The following ADAMTS2 variants were observed in gnomAD, a reference collection of about 807,000 sequenced individuals.
ADAMTS2 encodes the protein ADAM metallopeptidase with thrombospondin type 1 motif 2.
A neutral mutation model predicts 123.0 loss-of-function variants in ADAMTS2; 50 were observed. The observed-to-expected ratio is 0.41, with a 90% confidence interval of 0.32 to 0.51. ADAMTS2 has a LOEUF of 0.51. ADAMTS2 is among the 20% of genes least tolerant of loss of function. The probability of loss-of-function intolerance (pLI) is 0.35; values close to 1 mark genes in which losing one functional copy is unlikely to be tolerated. For missense variants in ADAMTS2, 1,494 were observed against 1,705.2 expected, an observed-to-expected ratio of 0.88 and a Z score of 2.18; for synonymous variants, 678 against 695.4, an observed-to-expected ratio of 0.98 and a Z score of 0.39.
chr5:179,276,991 C>T (rs1275337596), intron 2 of ADAMTS2, among the ~76,000 whole-genome samples: 1 of 152,108 alleles, frequency 6.6e-6, no homozygotes. Context: ...GGGTCAGGCT[C>T]CCCTCCCTGG....
In ADAMTS2 at chr5:179,308,654, A is replaced by G. The variant is rs886855905; in HGVS notation, c.534+35113T>C. On this transcript the variant is annotated intron_variant, in intron 2 of 21. Transcript: ENST00000251582. This position sits in a 1 kb window ranked among gnomAD's most constrained non-coding sequence, Gnocchi z 6.6. ...TGCCCATGTGTATGTGGATTGGGGG[A>G]AATTCCCAAGGCCTCTCAGAGAAGT... Among the ~76,000 whole-genome samples, 2 of 152,082 alleles carry G rather than the reference A, an allele frequency of 1.3e-5. No individual in the cohort carries two copies. The highest frequency in any genetic ancestry group is 2.9e-5 in the Non-Finnish European group (2 of 68,014).
At chr5:179,186,183 C>A (rs1025770804) in intron 4 of ADAMTS2, among the ~76,000 whole-genome samples, 1 of 152,242 alleles carries the variant, frequency 6.6e-6, no homozygotes, top group East Asian at 1.9e-4. Context: ...CTCAACTTGG[C>A]CCCCTCCCAG....
At chr5:179,152,286 C>T in intron 9 of ADAMTS2, 31 bp from the exon 10 acceptor site, 1 of 1,607,280 alleles carries the variant, frequency 6.2e-7, no homozygotes, top group Non-Finnish European at 8.5e-7. Context: ...TTGCCAGGTC[C>T]CTCCCACCTC....
At chr5:179,306,708 CCCTAAAG>C (rs1756682689) in intron 2 of ADAMTS2, among the ~76,000 whole-genome samples, 1 of 152,126 alleles carries the variant, frequency 6.6e-6, no homozygotes, top group Admixed American at 6.6e-5. Flanking sequence ...GGTGACTGGC[CCCTAAAG>C]CCTAGGGGAA....
At chr5:179,261,881 A>G (rs1008267189) in intron 3 of ADAMTS2, among the ~76,000 whole-genome samples, 1 of 152,174 alleles carries the variant, frequency 6.6e-6, no homozygotes, top group Non-Finnish European at 1.5e-5. Flanking sequence ...ACACACGTCC[A>G]TGGGACCCCA....
chr5:179,231,074 A>C (rs574165562), intron 3 of ADAMTS2, among the ~76,000 whole-genome samples: 2 of 152,006 alleles, frequency 1.3e-5, no homozygotes, highest in South Asian at 4.2e-4. Flanking sequence ...TTGCACATCC[A>C]CATCAGTGAC....
intron 4 of ADAMTS2, among the ~76,000 whole-genome samples, chr5:179,200,416 T>C (rs947586627): frequency 1.3e-5 from 2 of 151,950 alleles, no homozygotes; most frequent in Non-Finnish European, 2.9e-5. Flanking sequence ...ACTCGGCTTA[T>C]TTTTGTATTT....
intron 2 of ADAMTS2, among the ~76,000 whole-genome samples, chr5:179,319,028 G>C (rs765163641): frequency 5.9e-5 from 9 of 152,194 alleles, no homozygotes; most frequent in Non-Finnish European, 1.0e-4. Flanking sequence ...TTATGACTGA[G>C]GGTTCCCAAC....
Position 179,303,925 on chromosome 5 carries a change from C to G in ADAMTS2, c.535-30861G>C, listed in dbSNP as rs1226250354. On this transcript the variant is annotated intron_variant, in intron 2 of 21. Transcript: ENST00000251582. The surrounding 1 kb of genome is among the most constrained non-coding windows in gnomAD (Gnocchi z 4.7). ...AGGGCTAGGAAGATGGCAGAGACAG[C>G]AGAGCTTGGGGAACTGGCATCAGAA... Among the ~76,000 whole-genome samples the G allele has an allele frequency of 6.6e-6, 1 of 152,186 alleles. No individual in the cohort carries two copies. Among genetic ancestry groups the G allele is most frequent in the Non-Finnish European group, 1.5e-5 (1 of 68,046 alleles).
chr5:179,254,322 A>G (rs1444084872), intron 3 of ADAMTS2, among the ~76,000 whole-genome samples: 4 of 152,168 alleles, frequency 2.6e-5, no homozygotes, highest in Non-Finnish European at 5.9e-5. Flanking sequence ...GTTTCTATGA[A>G]GTATACAGAA....
chr5:179,330,364 G>C (rs913651878), intron 2 of ADAMTS2, among the ~76,000 whole-genome samples: 24 of 151,882 alleles, frequency 1.6e-4, no homozygotes, highest in Admixed American at 1.4e-3. Flanking sequence ...CCCATACCAT[G>C]CCCAGTCCTG....
intron 2 of ADAMTS2, among the ~76,000 whole-genome samples, chr5:179,325,867 G>C (rs1170782558): frequency 6.6e-6 from 1 of 152,250 alleles, no homozygotes; most frequent in East Asian, 1.9e-4. Flanking sequence ...GGAGGGACAG[G>C]GGCACAGGCA....
At chr5:179,233,519 C>T (rs1454716012) in intron 3 of ADAMTS2, among the ~76,000 whole-genome samples, 1 of 152,152 alleles carries the variant, frequency 6.6e-6, no homozygotes, top group Admixed American at 6.5e-5. Flanking sequence ...AACCCTGTCT[C>T]CTCTAAAAAA....
chr5:179,324,451 T>C (rs1581276583), intron 2 of ADAMTS2, among the ~76,000 whole-genome samples: 1 of 149,676 alleles, frequency 6.7e-6, no homozygotes, highest in Non-Finnish European at 1.5e-5. Context: ...AGTGCAGTGG[T>C]GCGATCTCAG....
Position 179,268,641 on chromosome 5 carries a change from G to A in ADAMTS2, c.688+4270C>T, listed in dbSNP as rs551795965. Among the ~76,000 whole-genome samples, 9 of 152,348 alleles carry A rather than the reference G, an allele frequency of 5.9e-5. 1 individual carries two copies. The South Asian group carries it at 1.9e-3, about 32-fold the overall frequency. On this transcript the variant is annotated intron_variant, in intron 3 of 21. Transcript: ENST00000251582. The stretch of plus-strand genomic sequence containing the variant: ...CGCTCCAGGTCCCTTAACGCGGGCG[G>A]TGGGGGAGGACTGCCAGGCTGAGAC...
At chr5:179,257,009 G>A (rs945609582) in intron 3 of ADAMTS2, among the ~76,000 whole-genome samples, 5 of 152,230 alleles carry the variant, frequency 3.3e-5, no homozygotes, top group Non-Finnish European at 7.3e-5. Flanking sequence ...CGGCTGCCTG[G>A]CCCATCACTG....
chr5:179,223,720 A>G (rs1312574034), intron 3 of ADAMTS2, among the ~76,000 whole-genome samples: 1 of 152,228 alleles, frequency 6.6e-6, no homozygotes, highest in East Asian at 1.9e-4. Context: ...ACAAACGCAC[A>G]TGCATACATT....
At chr5:179,281,938 T>TTA (rs2113529952) in intron 2 of ADAMTS2, among the ~76,000 whole-genome samples, 1 of 152,352 alleles carries the variant, frequency 6.6e-6, no homozygotes, top group South Asian at 2.1e-4. Context: ...TATAGGTCAT[T>TTA]TATTTAACTT....
intron 3 of ADAMTS2, among the ~76,000 whole-genome samples, chr5:179,247,125 A>G (rs956355655): frequency 5.9e-5 from 9 of 152,220 alleles, no homozygotes; most frequent in African/African-American, 2.2e-4. Flanking sequence ...AAAAGAAACC[A>G]TGGGCAAATA....
Sources: allele counts gnomAD v4.1 joint callset (sites outside exome capture counted in the v4.1 genomes callset), GRCh38; gene constraint gnomAD v4.1.1; non-coding constraint Gnocchi (gnomAD v3.1); transcripts MANE v1.5; gene names NCBI Gene and HGNC (gene_info 2026-07-23, HGNC 2026-07-21).